GOLM2: variants seen among roughly 807,000 people sequenced by gnomAD.
The protein encoded by GOLM2 is protein GOLM2.
Under a neutral mutation model 55.9 loss-of-function variants are expected in GOLM2, and 26 were observed. The ratio of observed to expected loss-of-function variants is 0.47; its 90% confidence interval spans 0.34 to 0.65. The LOEUF is 0.65. Ranked by LOEUF, GOLM2 falls within the 30% of genes least tolerant of loss-of-function variation. GOLM2 has a pLI of 0.01. For missense variants in GOLM2, 486 were observed against 531.8 expected, an observed-to-expected ratio of 0.91 and a Z score of 0.85; for synonymous variants, 165 against 194.6, an observed-to-expected ratio of 0.85 and a Z score of 1.27.
At chr15:44,405,744 C>T (rs2079593098) in intron 9 of GOLM2, among the ~76,000 whole-genome samples, 2 of 152,066 alleles carry the variant, frequency 1.3e-5, no homozygotes, top group Admixed American at 1.3e-4. Context: ...CCTCAGCCTC[C>T]TGAGTAGCTG....
intron 6 of GOLM2, among the ~76,000 whole-genome samples, chr15:44,372,579 G>A (rs1173539058): frequency 1.3e-5 from 2 of 152,098 alleles, no homozygotes; most frequent in Admixed American, 1.3e-4. Context: ...CAAGTGAGAG[G>A]TATGTCTTAT....
intron 9 of GOLM2, among the ~76,000 whole-genome samples, chr15:44,404,812 A>G (rs927847172): frequency 2.6e-5 from 4 of 152,092 alleles, no homozygotes; most frequent in African/African-American, 9.7e-5. Flanking sequence ...TTTAACTGAT[A>G]ATTGCATGCT....
chr15:44,337,526 C>T (rs1244446921), intron 4 of GOLM2, among the ~76,000 whole-genome samples: 1 of 152,020 alleles, frequency 6.6e-6, no homozygotes, highest in Non-Finnish European at 1.5e-5. Context: ...GTCACCTCTG[C>T]CTACCAAATC....
At chr15:44,381,057 C>G in intron 8 of GOLM2, 81 bp downstream of exon 8, 1 of 816,840 alleles carries the variant, frequency 1.2e-6, no homozygotes, top group Non-Finnish European at 1.7e-6. Context: ...ATTCTGCTCT[C>G]TAATAAATGT....
chr15:44,308,742 T>G (rs2078855047), intron 1 of GOLM2, among the ~76,000 whole-genome samples: 1 of 152,048 alleles, frequency 6.6e-6, no homozygotes, highest in Non-Finnish European at 1.5e-5. Flanking sequence ...GGACTGCAGG[T>G]GTGTGCACCA....
chr15:44,383,920 C>T (rs1413265024), intron 8 of GOLM2, among the ~76,000 whole-genome samples: 4 of 152,002 alleles, frequency 2.6e-5, no homozygotes, highest in Non-Finnish European at 5.9e-5. Flanking sequence ...CTCATGTGAT[C>T]CTCCCATCTC....
At chr15:44,347,871 G>A (rs2079135780) in intron 6 of GOLM2, among the ~76,000 whole-genome samples, 1 of 152,138 alleles carries the variant, frequency 6.6e-6, no homozygotes, top group Non-Finnish European at 1.5e-5. Context: ...TACCAGCTCA[G>A]CCACAGGCAT....
At chr15:44,315,839 G>A (rs1040553463) in intron 1 of GOLM2, among the ~76,000 whole-genome samples, 5 of 152,170 alleles carry the variant, frequency 3.3e-5, no homozygotes, top group African/African-American at 4.8e-5. Context: ...CAATGACGGC[G>A]ATAACAAGGG....
At chr15:44,319,857 G>A (rs2078937263) in intron 1 of GOLM2, among the ~76,000 whole-genome samples, 1 of 152,132 alleles carries the variant, frequency 6.6e-6, no homozygotes, top group South Asian at 2.1e-4. Flanking sequence ...CCAAAGTGTT[G>A]GGATTACAGG....
chr15:44,353,791 T>C (rs568847732), intron 6 of GOLM2, among the ~76,000 whole-genome samples: 4 of 152,218 alleles, frequency 2.6e-5, no homozygotes, highest in East Asian at 3.9e-4. Flanking sequence ...GTGAAGCTTA[T>C]TGGGGAAGGG....
intron 8 of GOLM2, chr15:44,387,247 A>G (rs1473799069): frequency 1.3e-5 from 2 of 151,454 alleles, no homozygotes; most frequent in Non-Finnish European, 2.9e-5. Flanking sequence ...GAGCACTGCC[A>G]TCTTAACAAT....
rs2079661758 is a variant in GOLM2 at position 44,414,678 on chromosome 15, G to A, written c.*1272G>A. ...AAGTACTAAATAAGGAATTTTAACA[G>A]GTTTTTATTAATGCACAGATAAATA... On this transcript the variant is annotated 3_prime_UTR_variant, in exon 10 of 10. Transcript: ENST00000299957. The A allele has an allele frequency of 1.3e-5, 2 of 152,150 alleles. No homozygotes were observed. The highest frequency in any genetic ancestry group is 2.9e-5 in the Non-Finnish European group (2 of 68,008). 9.4% of individuals were successfully genotyped at this position (152,150 alleles called of 1,614,324 possible).
Position 44,303,102 on chromosome 15 carries a change from CAATAAATAAATA to C in GOLM2, c.327+13775_327+13786del, listed in dbSNP as rs71111853. ...TGGGCGACAGAGCAATACTCCATCT[CAATAAATAAATA>C]AATAAATAAATAAATAAATAAATAA... On this transcript the variant is annotated intron_variant, in intron 1 of 9. Coordinates refer to ENST00000299957, the MANE Select transcript of GOLM2 (RefSeq NM_138423.4). Among the ~76,000 whole-genome samples the C allele has an allele frequency of 8.2e-3, 1,203 of 147,020 alleles. 12 individuals carry two copies. Among genetic ancestry groups the C allele is most frequent in the African/African-American group, 0.027 (1,091 of 39,896 alleles).
chr15:44,373,925 A>G (rs994045807), intron 6 of GOLM2, among the ~76,000 whole-genome samples: 5 of 152,100 alleles, frequency 3.3e-5, no homozygotes, highest in Admixed American at 6.5e-5. Context: ...ACATGGTGAA[A>G]CCCTGTTTCT....
Position 44,326,508 on chromosome 15 carries a change from A to G in GOLM2, c.383-2177A>G, listed in dbSNP as rs1004080277. ...TTTAGAAAGTGTAGAAAAAAAGTAT[A>G]TGTTCAAAATCCTACTGTCAGACAC... On this transcript the variant is annotated intron_variant, in intron 2 of 9. Transcript: ENST00000299957. 4.0e-5 allele frequency among the ~76,000 whole-genome samples: 6 copies of G among 151,794 alleles called. 1 individual carries two copies. Among genetic ancestry groups the G allele is most frequent in the Admixed American group, 3.3e-4 (5 of 15,260 alleles).
At chr15:44,363,793 C>G (rs1595649918) in intron 6 of GOLM2, among the ~76,000 whole-genome samples, 1 of 151,428 alleles carries the variant, frequency 6.6e-6, no homozygotes, top group Non-Finnish European at 1.5e-5. Flanking sequence ...GGAACCAACC[C>G]AAATGTCCAA....
At chr15:44,302,122 G>A (rs939740957) in intron 1 of GOLM2, among the ~76,000 whole-genome samples, 1 of 151,770 alleles carries the variant, frequency 6.6e-6, no homozygotes, top group African/African-American at 2.4e-5. Flanking sequence ...GGAAGCCATT[G>A]ATTGACTCTC....
chr15:44,379,753 C>T lies in GOLM2; in HGVS notation c.866C>T (p.Pro289Leu). 1.2e-6 allele frequency: 2 copies of T among 1,611,202 alleles called. No individual in the cohort carries two copies. Among genetic ancestry groups the T allele is most frequent in the Non-Finnish European group, 1.7e-6 (2 of 1,178,048 alleles). Residue 289 changes from proline to leucine, a missense_variant, in exon 7 of 10, where the codon CCA becomes CTA. Pro to Leu is a moderately conservative substitution (Grantham distance 98). Coordinates refer to ENST00000299957, the MANE Select transcript of GOLM2 (RefSeq NM_138423.4). The stretch of plus-strand genomic sequence containing the variant: ...AGTCATCAAGCAATCTCCCATCTTC[C>T]AACTGGACAACCTCTCTCCCCAAAT... ...HESHQAISHL[P>L]TGQPLSPNMP...
chr15:44,329,771 G>A (rs1286450511), intron 3 of GOLM2, among the ~76,000 whole-genome samples: 6 of 151,836 alleles, frequency 4.0e-5, no homozygotes, highest in African/African-American at 9.7e-5. Context: ...GCATGATGGC[G>A]TATGCCTGTA....
Sources: gnomAD v4.1 joint callset for allele counts (sites outside exome capture counted in the v4.1 genomes callset) on GRCh38, gnomAD v4.1.1 for gene constraint, MANE v1.5 for transcripts, NCBI Gene and HGNC (gene_info 2026-07-23, HGNC 2026-07-21) for gene names.